The following FAM193A variants were observed in gnomAD, a reference collection of about 807,000 sequenced individuals.
FAM193A encodes protein FAM193A.
FAM193A carries 22 observed loss-of-function variants against 126.5 expected under a neutral mutation model. The ratio of observed to expected loss-of-function variants is 0.17; its 90% CI spans 0.12 to 0.25. FAM193A has a LOEUF of 0.25. Among genes scored for constraint, FAM193A ranks in the 10% least tolerant of loss-of-function variants. The pLI is 1.00. For missense variants in FAM193A, 1,675 were observed against 1,672.8 expected (o/e 1.00, Z -0.02); for synonymous variants, 761 against 646.8 (o/e 1.18, Z -2.68).
At position 2,728,883 on chromosome 4, in the gene FAM193A, T is replaced by A. The variant is rs1195099079; in HGVS notation, c.4455-2892T>A. ...CTAGACCTCTAATAAGCAAATATGT[T>A]CCACCTCCAAAACTTTTTTTTTTTT... On this transcript the variant is annotated intron_variant, in intron 20 of 20. Transcript: ENST00000637812. 2.1e-5 allele frequency among the ~76,000 whole-genome samples: 3 copies of A among 143,994 alleles called. No homozygotes were observed. The East Asian group carries it at 6.1e-4, about 29-fold the overall frequency. 94.5% of individuals were successfully genotyped at this position (143,994 alleles called of 152,430 possible). A position where few individuals can be genotyped will look rare whatever the true frequency, so the allele number is the denominator to read the frequency against.
chr4:2,596,380 G>A, intron 2 of FAM193A, 51 bp downstream of exon 2: 2 of 681,254 alleles, frequency 2.9e-6, no homozygotes, highest in Non-Finnish European at 5.4e-6. Context: ...CCCCCGCCCA[G>A]GTTATGGGGT....
intron 1 of FAM193A, among the ~76,000 whole-genome samples, chr4:2,571,980 A>G (rs1739318323): frequency 6.6e-6 from 1 of 151,816 alleles, no homozygotes; most frequent in African/African-American, 2.4e-5. Flanking sequence ...CCTGGCCAAC[A>G]TGGTGAAACC....
At chr4:2,692,644 A>G (rs1716529815) in intron 15 of FAM193A, among the ~76,000 whole-genome samples, 1 of 152,238 alleles carries the variant, frequency 6.6e-6, no homozygotes, top group Non-Finnish European at 1.5e-5. Context: ...ACAAATCCAA[A>G]TTGGCAGACA....
At chr4:2,631,886 A>T (rs1200026236) in intron 5 of FAM193A, among the ~76,000 whole-genome samples, 1 of 152,236 alleles carries the variant, frequency 6.6e-6, no homozygotes, top group Non-Finnish European at 1.5e-5. Context: ...GAGACCAGAG[A>T]CAAGCCCTCA....
intron 6 of FAM193A, among the ~76,000 whole-genome samples, chr4:2,646,159 CTTTTTTTTTTTTT>C (rs568447182): frequency 1.4e-5 from 1 of 69,120 alleles, no homozygotes; most frequent in East Asian, 4.5e-4. Context: ...TGAGCATCTC[CTTTTTTTTTTTTT>C]TTTTTTTTTT....
intron 1 of FAM193A, among the ~76,000 whole-genome samples, chr4:2,542,818 TCA>T (rs1474508849): frequency 6.6e-6 from 1 of 152,110 alleles, no homozygotes; most frequent in African/African-American, 2.4e-5. Context: ...TCAGGAGTGG[TCA>T]CAGTCCCACT....
At chr4:2,596,002 G>A in intron 1 of FAM193A, 82 bp from the exon 2 acceptor site, 1 of 618,704 alleles carries the variant, frequency 1.6e-6, no homozygotes, top group Non-Finnish European at 2.9e-6. Flanking sequence ...ATGCATTTTA[G>A]TTTTAGAACT....
Position 2,639,840 on chromosome 4 carries a change from G to GAT in FAM193A, c.1144_1145insAT (p.Ala382AspfsTer9). On this transcript the variant is annotated frameshift_variant, in exon 6 of 21. Transcript: ENST00000637812. LOFTEE classifies it high-confidence loss of function. ...GCCACTTCTTCAGAGCAACTTGCCCGCACTGGTGTCACAGATCAGGTATTT... is the reference window on the plus strand; with the variant it reads ...GCCACTTCTTCAGAGCAACTTGCCCGATCACTGGTGTCACAGATCAGGTATTT... The GAT allele has an allele frequency of 6.2e-7, 1 of 1,613,878 alleles. No homozygotes were observed. Among genetic ancestry groups the GAT allele is most frequent in the Non-Finnish European group, 8.5e-7 (1 of 1,179,918 alleles).
At chr4:2,710,647 TGGGC>T (rs1187616870) in intron 19 of FAM193A, among the ~76,000 whole-genome samples, 1 of 151,758 alleles carries the variant, frequency 6.6e-6, no homozygotes, top group Non-Finnish European at 1.5e-5. Context: ...GTACCACAGG[TGGGC>T]ACCACCACAC....
chr4:2,589,230 T>G (rs1329431155), intron 1 of FAM193A, among the ~76,000 whole-genome samples: 2 of 152,242 alleles, frequency 1.3e-5, no homozygotes, highest in Non-Finnish European at 2.9e-5. Context: ...TTTATGTAAC[T>G]ATAGTTCCAG....
chr4:2,555,781 A>C (rs1738218615), intron 1 of FAM193A, among the ~76,000 whole-genome samples: 4 of 143,840 alleles, frequency 2.8e-5, no homozygotes, highest in Admixed American at 2.7e-4. Flanking sequence ...CCACACCCAG[A>C]GAATTTTTTG....
At chr4:2,606,772 T>G (rs997174672) in intron 2 of FAM193A, among the ~76,000 whole-genome samples, 3 of 152,244 alleles carry the variant, frequency 2.0e-5, no homozygotes, top group Non-Finnish European at 4.4e-5. Context: ...AAATCATATT[T>G]GTTAATACCA....
intron 13 of FAM193A, among the ~76,000 whole-genome samples, chr4:2,684,164 C>G (rs1359016852): frequency 6.6e-6 from 1 of 152,198 alleles, no homozygotes; most frequent in African/African-American, 2.4e-5. Flanking sequence ...TCAGTTGTCT[C>G]TCTCAGCCTC....
intron 1 of FAM193A, 125 bp downstream of exon 1, chr4:2,537,295 T>A (rs1453872388): frequency 6.5e-6 from 1 of 153,884 alleles, no homozygotes; most frequent in African/African-American, 2.4e-5. Flanking sequence ...GGCGGGCGGA[T>A]AACGGGTCCT....
At chr4:2,664,001 C>T (rs188458515) in intron 12 of FAM193A, among the ~76,000 whole-genome samples, 1 of 152,202 alleles carries the variant, frequency 6.6e-6, no homozygotes, top group Non-Finnish European at 1.5e-5. Flanking sequence ...AATAAGCAGT[C>T]TTTAAATGAA....
At chr4:2,577,858 C>G (rs1459906960) in intron 1 of FAM193A, among the ~76,000 whole-genome samples, 1 of 152,124 alleles carries the variant, frequency 6.6e-6, no homozygotes, top group Non-Finnish European at 1.5e-5. Flanking sequence ...GAGCTATGAA[C>G]TTTAAGTACA....
At chr4:2,594,029 G>T (rs1324553606) in intron 1 of FAM193A, among the ~76,000 whole-genome samples, 1 of 152,162 alleles carries the variant, frequency 6.6e-6, no homozygotes, top group Non-Finnish European at 1.5e-5. Context: ...CAAACATTCA[G>T]CTCAGGATGG....
intron 7 of FAM193A, among the ~76,000 whole-genome samples, chr4:2,651,677 A>G (rs1261382956): frequency 1.3e-5 from 2 of 152,214 alleles, no homozygotes; most frequent in Non-Finnish European, 2.9e-5. Context: ...AAGGTGAACC[A>G]TATCAATGTG....
intron 19 of FAM193A, among the ~76,000 whole-genome samples, chr4:2,707,954 T>C (rs1001284777): frequency 6.6e-6 from 1 of 152,186 alleles, no homozygotes; most frequent in Non-Finnish European, 1.5e-5. Context: ...TTTACTATGT[T>C]GGCCAGGCTA....
Sources: allele counts gnomAD v4.1 joint callset (sites outside exome capture counted in the v4.1 genomes callset), GRCh38; gene constraint gnomAD v4.1.1; transcripts MANE v1.5; gene names NCBI Gene and HGNC (gene_info 2026-07-23, HGNC 2026-07-21).